The following CCDC88B variants were observed in gnomAD, a reference collection of about 807,000 sequenced individuals.
The protein encoded by CCDC88B is coiled-coil and HOOK domain protein 88B, also known as coiled-coil domain-containing protein 88B.
A neutral mutation model predicts 183.7 loss-of-function variants in CCDC88B; 138 were observed. The observed-to-expected ratio is 0.75, with a 90% confidence interval of 0.65 to 0.87. The LOEUF (loss-of-function observed/expected upper bound fraction) is 0.87. CCDC88B is among the 40% of genes least tolerant of loss of function. The probability of loss-of-function intolerance (pLI) is 0.00; values close to 1 mark genes in which losing one functional copy is unlikely to be tolerated. For synonymous variants in CCDC88B, 835 were observed against 867.5 expected (o/e 0.96, Z 0.66); for missense variants, 1,822 against 1,965.6 (o/e 0.93, Z 1.38).
chr11:64,353,307 C>T, intron 21 of CCDC88B, 44 bp from the exon 22 acceptor site: 2 of 1,602,296 alleles, frequency 1.2e-6, no homozygotes, highest in South Asian at 2.2e-5. Flanking sequence ...CCAGGTGGTC[C>T]TGAGCTGGGT....
chr11:64,345,168 T>C lies in CCDC88B; in HGVS notation c.2616+11T>C, dbSNP rs1591284192. 6.5e-7 allele frequency: 1 copy of C among 1,536,982 alleles called. No individual in the cohort carries two copies. Among genetic ancestry groups the C allele is most frequent in the Non-Finnish European group, 8.7e-7 (1 of 1,147,804 alleles). ...GAGGCCCTCCAGGCGGTAGGTCAGG[T>C]TGGGGCTCACCGCTGGGGTTGGGAA... On this transcript the variant is annotated intron_variant, in intron 14 of 26. Transcript: ENST00000356786.
At position 64,341,489 on chromosome 11, in the gene CCDC88B, C is replaced by T. The variant is rs775381249; in HGVS notation, c.516C>T (p.Ala172=). The T allele has an allele frequency of 6.8e-6, 11 of 1,613,686 alleles. No homozygotes were observed. The African/African-American group carries it at 1.2e-4, about 18-fold the overall frequency. ...GTCTCGAGGTCCAGAGCGAGCTGGC[C>T]GCTGCCATCCAGGAGGTACTGAGAC... ...GLSLEVQSEL[A]AAIQEVTQPG... The change falls in exon 6 of 27, where the codon GCC becomes GCT. Residue 172 remains alanine, a synonymous_variant. Coordinates refer to ENST00000356786, the MANE Select transcript of CCDC88B (RefSeq NM_032251.6).
intron 16 of CCDC88B, chr11:64,349,887 A>G: frequency 1.7e-6 from 1 of 593,566 alleles, no homozygotes; most frequent in Non-Finnish European, 3.0e-6. Flanking sequence ...CTGCACATGG[A>G]CAGAACTTCT....
chr11:64,342,604 T>G lies in CCDC88B; in HGVS notation c.986T>G (p.Leu329Arg). Reference protein sequence around the residue: ...AEALRERAGRLPRLQEELRRC... With the variant: ...AEALRERAGRRPRLQEELRRC... Reference sequence around the variant, plus strand: ...GCGCTGCGGGAGCGGGCCGGCCGCCTGCCCCGCCTGCAGGAGGAGCTGAGG... The same window carrying G: ...GCGCTGCGGGAGCGGGCCGGCCGCCGGCCCCGCCTGCAGGAGGAGCTGAGG... The change falls in exon 10 of 27, where the codon CTG becomes CGG. Residue 329 changes from leucine to arginine, a missense_variant. By Grantham distance (102) the Leu-to-Arg change is moderately radical. Transcript: ENST00000356786. 1.3e-6 allele frequency: 2 copies of G among 1,530,328 alleles called. No homozygotes were observed. The allele number at this position is 1,530,328 out of a possible 1,614,324, so 94.8% of individuals were successfully genotyped here. A position where few individuals can be genotyped will look rare whatever the true frequency, so the allele number is the denominator to read the frequency against.
chr11:64,349,756 C>A, intron 16 of CCDC88B, 88 bp downstream of exon 16: 1 of 1,267,026 alleles, frequency 7.9e-7, no homozygotes, highest in Non-Finnish European at 1.1e-6. Context: ...TCCTCCTAGT[C>A]TTGCCTCTGG....
Position 64,344,859 on chromosome 11 carries a change from G to T in CCDC88B, c.2318G>T (p.Arg773Leu), listed in dbSNP as rs970377728. 12 of 1,609,348 alleles carry T rather than the reference G, an allele frequency of 7.5e-6. No homozygotes were observed. Among genetic ancestry groups the T allele is most frequent in the Non-Finnish European group, 1.0e-5 (12 of 1,178,116 alleles). The change falls in exon 14 of 27, where the codon CGA becomes CTA. Residue 773 changes from arginine to leucine, a missense_variant. Arg to Leu is a moderately radical substitution (Grantham distance 102, BLOSUM62 -2). Coordinates refer to ENST00000356786, the MANE Select transcript of CCDC88B (RefSeq NM_032251.6). This position sits in a 1 kb window ranked among gnomAD's most constrained non-coding sequence, Gnocchi z 4.5. The stretch of plus-strand genomic sequence containing the variant: ...CTCTCCAAGGAGCTGGCCCAAGCGC[G>T]AAGGGCAGAGGCCGAGGCCCACCGG... Reference protein sequence around the residue: ...ARLSKELAQARRAEAEAHREA... With the variant: ...ARLSKELAQALRAEAEAHREA...
Position 64,345,075 on chromosome 11 carries a change from G to C in CCDC88B, c.2534G>C (p.Arg845Pro). Reference sequence around the variant, plus strand: ...GCCCAGTCGGAGGCCGCCGAGGAACGGATGCAGGTGCTGGAGAGCGAGGGC... The same window carrying C: ...GCCCAGTCGGAGGCCGCCGAGGAACCGATGCAGGTGCTGGAGAGCGAGGGC... ...LRAQSEAAEE[R>P]MQVLESEGRQ... is the part of the protein sequence containing the mutation. The change falls in exon 14 of 27, where the codon CGG becomes CCG. Residue 845 changes from arginine (R) to proline (P), a missense_variant. Transcript: ENST00000356786. 6.4e-7 allele frequency: 1 copy of C among 1,551,508 alleles called. No individual in the cohort carries two copies. Among genetic ancestry groups the C allele is most frequent in the Non-Finnish European group, 8.7e-7 (1 of 1,150,988 alleles).
chr11:64,349,329 A>G lies in CCDC88B; in HGVS notation c.2617-2A>G. ...CCCTGAGCCTGCTCTGCTTGCCCTC[A>G]GGAGCTGGAGAAAGCTGTGGTGCGG... On this transcript the variant is annotated splice_acceptor_variant, in intron 14 of 26. Transcript: ENST00000356786. LOFTEE classifies it high-confidence loss of function. 6.2e-7 allele frequency: 1 copy of G among 1,602,482 alleles called. No homozygotes were observed. Among genetic ancestry groups the G allele is most frequent in the Admixed American group, 1.7e-5 (1 of 58,744 alleles).
chr11:64,348,478 C>T (rs1175428947), intron 14 of CCDC88B, among the ~76,000 whole-genome samples: 2 of 152,170 alleles, frequency 1.3e-5, no homozygotes, highest in Non-Finnish European at 2.9e-5. Context: ...CCAGTACTTG[C>T]GCTAGTGGCT....
In CCDC88B at chr11:64,343,325, G is replaced by A. The variant is rs2035963973; in HGVS notation, c.1209G>A (p.Ala403=). The A allele has an allele frequency of 1.9e-6, 3 of 1,550,162 alleles. No individual in the cohort carries two copies. Among genetic ancestry groups the A allele is most frequent in the Non-Finnish European group, 1.7e-6 (2 of 1,146,658 alleles). ...GAACCCGGCTGGGCGAGGCCCATGCGGTAAGGTAGCCAGAGTGATCCCACT... is the reference window on the plus strand; with the variant it reads ...GAACCCGGCTGGGCGAGGCCCATGCAGTAAGGTAGCCAGAGTGATCCCACT... The part of the protein sequence containing the change: ...LLRTRLGEAH[A]ELDSLRHQVD... Residue 403 remains alanine (A), a splice_region_variant and synonymous_variant, in exon 11 of 27, where the codon GCG becomes GCA. Transcript: ENST00000356786.
chr11:64,341,481 G>A lies in CCDC88B; in HGVS notation c.508G>A (p.Glu170Lys), dbSNP rs1739692133. The A allele has an allele frequency of 6.2e-7, 1 of 1,613,850 alleles. No individual in the cohort carries two copies. The highest frequency in any genetic ancestry group is 8.5e-7 in the Non-Finnish European group (1 of 1,180,010). Residue 170 changes from glutamate (E) to lysine (K), a missense_variant, in exon 6 of 27, where the codon GAG becomes AAG. Glu to Lys is a moderately conservative substitution (Grantham distance 56). Coordinates refer to ENST00000356786, the MANE Select transcript of CCDC88B (RefSeq NM_032251.6). Reference protein sequence around the residue: ...IQGLSLEVQSELAAAIQEVTQ... With the variant: ...IQGLSLEVQSKLAAAIQEVTQ... ...GGGCCTCAGTCTCGAGGTCCAGAGC[G>A]AGCTGGCCGCTGCCATCCAGGAGGT... is the stretch of plus-strand genomic sequence containing the variant.
At chr11:64,356,214 G>A (rs913238427) in intron 26 of CCDC88B, 29 of 151,838 alleles carry the variant, frequency 1.9e-4, no homozygotes, top group African/African-American at 6.8e-4. Context: ...GGTCAGGCTG[G>A]TCTCGAACTC....
At chr11:64,340,795 G>C in intron 2 of CCDC88B, 43 bp downstream of exon 2, 1 of 1,570,946 alleles carries the variant, frequency 6.4e-7, no homozygotes, top group Non-Finnish European at 8.6e-7. Flanking sequence ...AAGGATCTGA[G>C]AGGAGGGGAA....
Position 64,344,830 on chromosome 11 carries a change from C to T in CCDC88B, c.2289C>T (p.Ala763=), listed in dbSNP as rs1273888040. Residue 763 remains alanine (A), a synonymous_variant, in exon 14 of 27, where the codon GCC becomes GCT. Transcript: ENST00000356786. The surrounding 1 kb of genome is among the most constrained non-coding windows in gnomAD (Gnocchi z 4.5). ...TGGAGGCCCAAAACACGGAGGCTGC[C>T]CGCCTCTCCAAGGAGCTGGCCCAAG... ...RKLEAQNTEA[A]RLSKELAQAR... is the part of the protein sequence containing the mutation. 1 of 1,611,896 alleles carries T rather than the reference C, an allele frequency of 6.2e-7. No individual in the cohort carries two copies. Among genetic ancestry groups the T allele is most frequent in the African/African-American group, 1.3e-5 (1 of 74,888 alleles).
chr11:64,353,214 G>T lies in CCDC88B; in HGVS notation c.3661G>T (p.Ala1221Ser). 1 of 1,568,348 alleles carries T rather than the reference G, an allele frequency of 6.4e-7. No homozygotes were observed. Among genetic ancestry groups the T allele is most frequent in the Non-Finnish European group, 8.6e-7 (1 of 1,156,216 alleles). The change falls in exon 21 of 27, where the codon GCC becomes TCC. Residue 1221 changes from alanine to serine, a missense_variant. Transcript: ENST00000356786. The stretch of plus-strand genomic sequence containing the variant: ...GTCCAACCAGCAGCTGGACCTGAGC[G>T]CCTGCCGGCTGACCACGCAGTGTGA... ...RESNQQLDLS[A>S]CRLTTQCELL...
At position 64,342,113 on chromosome 11, in the gene CCDC88B, T is replaced by C. The variant is rs1194147837; in HGVS notation, c.795T>C (p.Ala265=). ...HLALQLANAK[A]QLRRLRQELE... is the part of the protein sequence containing the mutation. ...CCCTGCAGCTGGCCAACGCCAAGGCTCAGCTGCGGCGTCTGCGGCAGGAGC... is the reference window on the plus strand; with the variant it reads ...CCCTGCAGCTGGCCAACGCCAAGGCCCAGCTGCGGCGTCTGCGGCAGGAGC... The change falls in exon 8 of 27, where the codon GCT becomes GCC. Residue 265 remains alanine, a synonymous_variant. Coordinates refer to ENST00000356786, the MANE Select transcript of CCDC88B (RefSeq NM_032251.6). The C allele has an allele frequency of 6.2e-7, 1 of 1,610,244 alleles. No homozygotes were observed. Among genetic ancestry groups the C allele is most frequent in the South Asian group, 1.1e-5 (1 of 90,744 alleles).
At chr11:64,340,821 C>A in intron 2 of CCDC88B, 69 bp downstream of exon 2, 2 of 1,549,144 alleles carry the variant, frequency 1.3e-6, no homozygotes, top group Non-Finnish European at 8.7e-7. Flanking sequence ...TGGGCGGAGC[C>A]TGATGCTCAG....
rs780876640 is a variant in CCDC88B at position 64,341,034 on chromosome 11, G to A, written c.318+16G>A. 3 of 1,612,824 alleles carry A rather than the reference G, an allele frequency of 1.9e-6. No individual in the cohort carries two copies. The highest frequency in any genetic ancestry group is 1.1e-5 in the South Asian group (1 of 90,986). On this transcript the variant is annotated intron_variant, in intron 3 of 26. Coordinates refer to ENST00000356786, the MANE Select transcript of CCDC88B (RefSeq NM_032251.6). ...CTTCTACCAGGTAAGGGGTCTCGAG[G>A]GAAAGGCGGAGACAGGAGGGGAAGA...
chr11:64,342,595 C>T lies in CCDC88B; in HGVS notation c.977C>T (p.Ala326Val), dbSNP rs765379785. 6.5e-7 allele frequency: 1 copy of T among 1,530,828 alleles called. No homozygotes were observed. The highest frequency in any genetic ancestry group is 1.2e-5 in the South Asian group (1 of 83,714). 94.8% of individuals were successfully genotyped at this position (1,530,828 alleles called of 1,614,324 possible). Residue 326 changes from alanine to valine, a missense_variant, in exon 10 of 27, where the codon GCC becomes GTC. By Grantham distance (64) the Ala-to-Val change is moderately conservative. Transcript: ENST00000356786. ...REEAEALRER[A>V]GRLPRLQEEL... ...GAGGCAGAGGCGCTGCGGGAGCGGG[C>T]CGGCCGCCTGCCCCGCCTGCAGGAG...
Sources: allele counts gnomAD v4.1 joint callset (sites outside exome capture counted in the v4.1 genomes callset), GRCh38; gene constraint gnomAD v4.1.1; non-coding constraint Gnocchi (gnomAD v3.1); transcripts MANE v1.5; gene names NCBI Gene and HGNC (gene_info 2026-07-23, HGNC 2026-07-21).